The following DLG2 variants were observed in gnomAD, a reference collection of about 807,000 sequenced individuals.
The protein encoded by DLG2 is disks large homolog 2.
DLG2 carries 45 observed loss-of-function variants against 132.5 expected under a neutral mutation model. The observed-to-expected ratio is 0.34, with a 90% confidence interval of 0.27 to 0.44. The LOEUF is 0.44. Among genes scored for constraint, DLG2 ranks in the 20% least tolerant of loss-of-function variants. The pLI, the probability that DLG2 is intolerant of heterozygous loss-of-function variation, is 1.00. For missense variants in DLG2, 1,045 were observed against 1,196.9 expected (o/e 0.87, Z 1.87); for synonymous variants, 424 against 419.6 (o/e 1.01, Z -0.13).
intron 17 of DLG2, among the ~76,000 whole-genome samples, chr11:83,833,129 T>G (rs2055042774): frequency 6.6e-6 from 1 of 152,194 alleles, no homozygotes; most frequent in Non-Finnish European, 1.5e-5. Flanking sequence ...ATCAAGGACC[T>G]GAACACCATT....
chr11:83,743,274 C>T (rs563163253), intron 18 of DLG2, among the ~76,000 whole-genome samples: 254 of 152,112 alleles, frequency 1.7e-3, no homozygotes, highest in African/African-American at 6.0e-3. Context: ...TTTTCCTAAC[C>T]CCTGCATCTA....
intron 8 of DLG2, among the ~76,000 whole-genome samples, chr11:84,175,045 C>A (rs1352330666): frequency 1.3e-5 from 2 of 152,126 alleles, no homozygotes; most frequent in East Asian, 1.9e-4. Flanking sequence ...TCATCCTCAT[C>A]CTTACTTACT....
chr11:84,603,451 G>GT (rs1304872455), intron 6 of DLG2, among the ~76,000 whole-genome samples: 1 of 152,004 alleles, frequency 6.6e-6, no homozygotes, highest in East Asian at 1.9e-4. Context: ...GTAGAAGCAG[G>GT]TATGCATCTG....
At chr11:85,320,583 A>G (rs2152822980) in intron 3 of DLG2, among the ~76,000 whole-genome samples, 1 of 152,066 alleles carries the variant, frequency 6.6e-6, no homozygotes, top group South Asian at 2.1e-4. Flanking sequence ...TATGTCAGGT[A>G]GTGACAAGTG....
At chr11:84,934,525 G>GGTTTTTTTTTTTTTTTTTTTTTTT (rs2048494215) in intron 6 of DLG2, among the ~76,000 whole-genome samples, 1 of 38,636 alleles carries the variant, frequency 2.6e-5, no homozygotes. Flanking sequence ...GTTTTGTTTT[G>GGTTTTTTTTTTTTTTTTTTTTTTT]TTTTTTTTTT....
At chr11:83,877,338 CT>C (rs991664328) in intron 15 of DLG2, among the ~76,000 whole-genome samples, 73 of 151,944 alleles carry the variant, frequency 4.8e-4, no homozygotes, top group African/African-American at 1.7e-3. Context: ...TAATCCTTTC[CT>C]TTACCATTTA....
At chr11:83,772,769 T>G (rs960801446) in intron 18 of DLG2, among the ~76,000 whole-genome samples, 1 of 152,038 alleles carries the variant, frequency 6.6e-6, no homozygotes, top group Non-Finnish European at 1.5e-5. Flanking sequence ...TCCTGTTAAG[T>G]GTTTTTTTCT....
chr11:83,850,160 G>GT (rs145688257), intron 16 of DLG2, among the ~76,000 whole-genome samples: 27 of 124,372 alleles, frequency 2.2e-4, no homozygotes, highest in African/African-American at 9.0e-4. Flanking sequence ...GTGTGTGTGT[G>GT]TTTTTTTACT....
Position 83,458,023 on chromosome 11 carries a change from T to C in DLG2, c.*1795A>G, listed in dbSNP as rs1215189260. 1 of 152,652 alleles carries C rather than the reference T, an allele frequency of 6.6e-6. No individual in the cohort carries two copies. Among genetic ancestry groups the C allele is most frequent in the African/African-American group, 2.4e-5 (1 of 41,454 alleles). 9.5% of individuals were successfully genotyped at this position (152,652 alleles called of 1,614,324 possible). A position where few individuals can be genotyped will look rare whatever the true frequency, so the allele number is the denominator to read the frequency against. The stretch of plus-strand genomic sequence containing the variant: ...AGACTCTCATTCTAAGCTCCGATGT[T>C]CTTACTGTGAAGAAGCCCCATCACT... On this transcript the variant is annotated 3_prime_UTR_variant, in exon 28 of 28. Coordinates refer to ENST00000376104, the MANE Select transcript of DLG2 (RefSeq NM_001142699.3).
chr11:85,039,186 C>A (rs538543446), intron 6 of DLG2, among the ~76,000 whole-genome samples: 1 of 151,662 alleles, frequency 6.6e-6, no homozygotes, highest in Admixed American at 6.6e-5. Context: ...CACAAAGGAC[C>A]TTAGTAAGAG....
intron 3 of DLG2, among the ~76,000 whole-genome samples, chr11:85,418,846 C>T (rs1464696531): frequency 6.6e-6 from 1 of 152,174 alleles, no homozygotes. Flanking sequence ...AGATGGGTCT[C>T]CTGAATACAG....
intron 18 of DLG2, among the ~76,000 whole-genome samples, chr11:83,744,944 C>A (rs2092793517): frequency 6.6e-6 from 1 of 152,186 alleles, no homozygotes; most frequent in East Asian, 1.9e-4. Context: ...AAAAATAATT[C>A]ACTTTCCATA....
At chr11:85,033,916 C>T (rs2061230550) in intron 6 of DLG2, among the ~76,000 whole-genome samples, 1 of 151,734 alleles carries the variant, frequency 6.6e-6, no homozygotes, top group Admixed American at 6.6e-5. Flanking sequence ...AAAAATAAAA[C>T]TTTTTGCAGT....
chr11:84,239,637 T>C (rs2097201453), intron 8 of DLG2, among the ~76,000 whole-genome samples: 1 of 152,344 alleles, frequency 6.6e-6, no homozygotes, highest in South Asian at 2.1e-4. Context: ...AGCCAAGCAA[T>C]GTCTAAATAT....
chr11:83,876,129 C>A (rs954051173), intron 15 of DLG2, among the ~76,000 whole-genome samples: 23 of 152,150 alleles, frequency 1.5e-4, no homozygotes, highest in African/African-American at 5.5e-4. Context: ...TTACTTAAAT[C>A]GCTCTGTATG....
chr11:84,580,385 C>G (rs1377195192), intron 6 of DLG2, among the ~76,000 whole-genome samples: 1 of 152,212 alleles, frequency 6.6e-6, no homozygotes, highest in Non-Finnish European at 1.5e-5. Context: ...TACTTACAGT[C>G]TTAGTCTCAA....
intron 4 of DLG2, among the ~76,000 whole-genome samples, chr11:85,232,532 TGATA>T (rs1180375308): frequency 4.0e-5 from 6 of 151,834 alleles, no homozygotes; most frequent in African/African-American, 9.7e-5. Flanking sequence ...TCGAAGCAAA[TGATA>T]GATAGATAGA....
intron 18 of DLG2, among the ~76,000 whole-genome samples, chr11:83,687,799 G>C (rs1230944381): frequency 1.3e-5 from 2 of 151,946 alleles, no homozygotes. Flanking sequence ...TCCTCAGCCT[G>C]GGCAACACTG....
chr11:84,166,149 C>T (rs1169436576), intron 8 of DLG2, among the ~76,000 whole-genome samples: 1 of 151,978 alleles, frequency 6.6e-6, no homozygotes, highest in East Asian at 1.9e-4. Flanking sequence ...CAAAGGACTC[C>T]TAAGACAAGA....
Sources: allele counts gnomAD v4.1 joint callset (sites outside exome capture counted in the v4.1 genomes callset), GRCh38; gene constraint gnomAD v4.1.1; transcripts MANE v1.5; gene names NCBI Gene and HGNC (gene_info 2026-07-23, HGNC 2026-07-21).